The following OCA2 variants were observed in gnomAD, a reference collection of about 807,000 sequenced individuals.
OCA2 encodes the protein OCA2 melanosomal transmembrane protein.
A neutral mutation model predicts 100.2 loss-of-function variants in OCA2; 77 were observed. The ratio of observed to expected loss-of-function variants is 0.77; its 90% confidence interval spans 0.64 to 0.93. The LOEUF (loss-of-function observed/expected upper bound fraction) is 0.93, where lower values mean the gene tolerates loss of function less well. Ranked by LOEUF, OCA2 falls within the 40% of genes least tolerant of loss-of-function variation. The probability of loss-of-function intolerance (pLI) is 0.00; values close to 1 mark genes in which losing one functional copy is unlikely to be tolerated. For missense variants in OCA2, 1,062 were observed against 1,089.1 expected (o/e 0.98, Z 0.35); for synonymous variants, 432 against 439.2 (o/e 0.98, Z 0.21).
intron 23 of OCA2, among the ~76,000 whole-genome samples, chr15:27,805,304 G>A (rs1187668485): frequency 2.0e-5 from 3 of 152,268 alleles, no homozygotes; most frequent in African/African-American, 7.2e-5. Context: ...CAGTAAATCG[G>A]AGGCGATAAG....
At position 27,985,193 on chromosome 15, in the gene OCA2, C is replaced by A; in HGVS notation, c.1240-5G>T. 6.2e-7 allele frequency: 1 copy of A among 1,610,802 alleles called. No individual in the cohort carries two copies. Among genetic ancestry groups the A allele is most frequent in the Non-Finnish European group, 8.5e-7 (1 of 1,177,486 alleles). On this transcript the variant is annotated splice_polypyrimidine_tract_variant and splice_region_variant and intron_variant, in intron 12 of 23. Coordinates refer to ENST00000354638, the MANE Select transcript of OCA2 (RefSeq NM_000275.3). Reference sequence around the variant, plus strand: ...TCCCCGGGAGAGCCGGTATGCCTGGCCACACACACACAGAGAGAGTACAAG... The same window carrying A: ...TCCCCGGGAGAGCCGGTATGCCTGGACACACACACACAGAGAGAGTACAAG...
intron 23 of OCA2, among the ~76,000 whole-genome samples, chr15:27,767,406 T>G (rs1435662454): frequency 6.6e-6 from 1 of 152,200 alleles, no homozygotes; most frequent in East Asian, 1.9e-4. Context: ...TTTCTTGGGT[T>G]GAGTGGGGAC....
intron 23 of OCA2, among the ~76,000 whole-genome samples, chr15:27,805,361 G>T (rs908412293): frequency 6.6e-6 from 1 of 152,400 alleles, no homozygotes; most frequent in African/African-American, 2.4e-5. Context: ...GGAGGCCTGG[G>T]CTGGGCTGCG....
intron 2 of OCA2, among the ~76,000 whole-genome samples, chr15:28,077,897 T>C (rs1464042945): frequency 6.6e-6 from 1 of 152,094 alleles, no homozygotes; most frequent in African/African-American, 2.4e-5. Context: ...CTGGCCAACA[T>C]GGTGAAACCC....
At chr15:28,095,643 G>A (rs1159335831) in intron 1 of OCA2, among the ~76,000 whole-genome samples, 1 of 151,970 alleles carries the variant, frequency 6.6e-6, no homozygotes, top group African/African-American at 2.4e-5. Context: ...CTTGAACCAG[G>A]GAGGTGGAGG....
chr15:27,826,007 G>C (rs1217440752), intron 23 of OCA2, among the ~76,000 whole-genome samples: 1 of 152,230 alleles, frequency 6.6e-6, no homozygotes, highest in Non-Finnish European at 1.5e-5. Context: ...GGGTGTGAGA[G>C]CTGAGAAGAT....
At chr15:27,748,157 C>T in the OCA2 span, among the ~76,000 whole-genome samples, 38 of 152,314 alleles carry the variant, frequency 2.5e-4, no homozygotes, top group Admixed American at 2.3e-3. Flanking sequence ...ATCTGAATCT[C>T]CACTGACAAT....
At chr15:27,741,355 A>G in the OCA2 span, among the ~76,000 whole-genome samples, 1 of 152,188 alleles carries the variant, frequency 6.6e-6, no homozygotes, top group Admixed American at 6.5e-5. Flanking sequence ...TGACCATCAG[A>G]CCTGCAAGCG....
At chr15:27,863,284 C>T (rs2036204659) in intron 21 of OCA2, among the ~76,000 whole-genome samples, 1 of 152,148 alleles carries the variant, frequency 6.6e-6, no homozygotes, top group African/African-American at 2.4e-5. Context: ...GGGCGGATCC[C>T]CTGGTAAAGG....
chr15:28,088,929 T>C (rs890373307), intron 1 of OCA2, among the ~76,000 whole-genome samples: 13 of 152,214 alleles, frequency 8.5e-5, no homozygotes, highest in Admixed American at 6.5e-4. Context: ...GGGAATTTCC[T>C]CATCCTAATA....
intron 2 of OCA2, among the ~76,000 whole-genome samples, chr15:28,075,130 C>T (rs2044391229): frequency 1.3e-5 from 2 of 152,116 alleles, no homozygotes; most frequent in Admixed American, 6.5e-5. Context: ...TTAGATACAA[C>T]ACCAAAAGTA....
At chr15:27,812,155 C>T (rs1215012240) in intron 23 of OCA2, among the ~76,000 whole-genome samples, 1 of 152,166 alleles carries the variant, frequency 6.6e-6, no homozygotes, top group Non-Finnish European at 1.5e-5. Flanking sequence ...GCGAAGACCC[C>T]TCATCAGTCA....
At chr15:27,828,474 C>T (rs116471268) in intron 23 of OCA2, among the ~76,000 whole-genome samples, 1,684 of 152,260 alleles carry the variant, frequency 0.011, 35 homozygotes, top group African/African-American at 0.038. Flanking sequence ...CTTTTATGTT[C>T]AGAGTTTTGC....
the OCA2 span, among the ~76,000 whole-genome samples, chr15:27,720,084 T>C: frequency 6.6e-6 from 1 of 152,210 alleles, no homozygotes; most frequent in East Asian, 1.9e-4. Context: ...AATTAAAGTA[T>C]TAAGTATTGC....
chr15:27,973,022 C>T (rs530481909), intron 14 of OCA2, among the ~76,000 whole-genome samples: 35 of 151,844 alleles, frequency 2.3e-4, no homozygotes, highest in African/African-American at 7.0e-4. Context: ...TGCACCACCA[C>T]GCCCAGCTAT....
chr15:28,022,087 G>A (rs1047774597), intron 6 of OCA2, among the ~76,000 whole-genome samples: 2 of 152,192 alleles, frequency 1.3e-5, no homozygotes, highest in Admixed American at 6.5e-5. Flanking sequence ...AAATTCTGAG[G>A]CATGCAAGAA....
intron 23 of OCA2, among the ~76,000 whole-genome samples, chr15:27,833,877 C>T (rs1288605724): frequency 6.6e-6 from 1 of 152,206 alleles, no homozygotes; most frequent in Non-Finnish European, 1.5e-5. Flanking sequence ...TCCGTAAACA[C>T]CCCATTGACC....
chr15:28,092,227 G>T (rs2044882195), intron 1 of OCA2, among the ~76,000 whole-genome samples: 5 of 152,172 alleles, frequency 3.3e-5, no homozygotes, highest in African/African-American at 1.2e-4. Flanking sequence ...TAGGGGAGGG[G>T]ATAGGGTTGG....
intron 19 of OCA2, among the ~76,000 whole-genome samples, chr15:27,899,410 C>T (rs116923523): frequency 5.3e-5 from 8 of 152,158 alleles, no homozygotes; most frequent in East Asian, 1.9e-4. Context: ...TAGAGGTGGG[C>T]GCAATCCAAT....
Sources: gnomAD v4.1 joint callset for allele counts (sites outside exome capture counted in the v4.1 genomes callset) on GRCh38, gnomAD v4.1.1 for gene constraint, MANE v1.5 for transcripts, NCBI Gene and HGNC (gene_info 2026-07-23, HGNC 2026-07-21) for gene names.